The following PCDHGA6 variants were observed in gnomAD, a reference collection of about 807,000 sequenced individuals.
PCDHGA6 encodes the protein protocadherin gamma subfamily A, 6.
Under a neutral mutation model 60.6 loss-of-function variants are expected in PCDHGA6, and 41 were observed. That is an observed-to-expected ratio of 0.68 (90% CI 0.53 to 0.88). PCDHGA6 has a LOEUF of 0.88. PCDHGA6 is among the 40% of genes least tolerant of loss of function. PCDHGA6 has a pLI of 0.00. For missense variants in PCDHGA6, 1,312 were observed against 1,203.0 expected (o/e 1.09, Z -1.34); for synonymous variants, 594 against 524.4 (o/e 1.13, Z -1.81).
Position 141,374,384 on chromosome 5 carries a change from C to A in PCDHGA6, c.301C>A (p.Arg101=). 6.2e-7 allele frequency: 1 copy of A among 1,613,962 alleles called. No homozygotes were observed. Among genetic ancestry groups the A allele is most frequent in the East Asian group, 2.2e-5 (1 of 44,874 alleles). ...CGAGGAGCTCTGTGCTCAGAGCCCG[C>A]GGTGTCTGGTGAGTTTTAACATCCT... ...DREELCAQSP[R]CLVSFNILVE... is the part of the protein sequence containing the mutation. Residue 101 remains arginine (R), a synonymous_variant, in exon 1 of 4, where the codon CGG becomes AGG. Transcript: ENST00000517434.
At chr5:141,423,001 G>A in intron 1 of PCDHGA6, 2 of 1,614,230 alleles carry the variant, frequency 1.2e-6, no homozygotes, top group Non-Finnish European at 1.7e-6. Flanking sequence ...GGTGACCAAG[G>A]TGGTTGCGGT....
chr5:141,465,865 G>A (rs374058078), intron 1 of PCDHGA6, among the ~76,000 whole-genome samples: 7 of 151,900 alleles, frequency 4.6e-5, no homozygotes, highest in African/African-American at 1.7e-4. Flanking sequence ...GCTCATGCCT[G>A]TAATCCCAGC....
rs558951022 is a variant in PCDHGA6 at position 141,501,554 on chromosome 5, C to T, written c.2484-3839C>T. On this transcript the variant is annotated intron_variant, in intron 2 of 3. Coordinates refer to ENST00000517434, the MANE Select transcript of PCDHGA6 (RefSeq NM_018919.3). ...CGTTGTTGTGCATAAGATCATAGGC[C>T]CTGGAATCATATTAGGCTGGCTTTC... is the stretch of plus-strand genomic sequence containing the variant. Among the ~76,000 whole-genome samples the T allele has an allele frequency of 3.3e-5, 5 of 152,044 alleles. No homozygotes were observed. In the East Asian group the frequency reaches 7.8e-4, roughly 24 times the overall value.
At chr5:141,456,148 C>G (rs1408257938) in intron 1 of PCDHGA6, among the ~76,000 whole-genome samples, 1 of 152,080 alleles carries the variant, frequency 6.6e-6, no homozygotes, top group African/African-American at 2.4e-5. Flanking sequence ...CCGCCCGCCT[C>G]GGCCTCCTAA....
chr5:141,418,883 G>A (rs376245268), intron 1 of PCDHGA6: 5 of 1,613,960 alleles, frequency 3.1e-6, no homozygotes, highest in East Asian at 2.2e-5. Flanking sequence ...AGACGAAAAC[G>A]ACAACAGCCC....
At chr5:141,378,443 A>C (rs1022226439) in intron 1 of PCDHGA6, 2 of 152,300 alleles carry the variant, frequency 1.3e-5, no homozygotes, top group Non-Finnish European at 2.9e-5. Context: ...GAATCGCTTG[A>C]ACCCATGAGG....
At chr5:141,414,692 C>T (rs2095777962) in intron 1 of PCDHGA6, 1 of 1,613,918 alleles carries the variant, frequency 6.2e-7, no homozygotes, top group African/African-American at 1.3e-5. Flanking sequence ...GTACCTCTGT[C>T]CTCATACATA....
At position 141,392,919 on chromosome 5, in the gene PCDHGA6, C is replaced by T. The variant is rs1220575114; in HGVS notation, c.2424+16412C>T. On this transcript the variant is annotated intron_variant, in intron 1 of 3. Coordinates refer to ENST00000517434, the MANE Select transcript of PCDHGA6 (RefSeq NM_018919.3). The stretch of plus-strand genomic sequence containing the variant: ...GAGGGGACAGATTCGCTACTCTGTG[C>T]CAGAAGAGACGGACAAAGGCTCCTT... 5.0e-6 allele frequency: 8 copies of T among 1,613,762 alleles called. No individual in the cohort carries two copies. The African/African-American group carries it at 1.1e-4, about 22-fold the overall frequency.
In PCDHGA6 at chr5:141,375,958, G is replaced by A. The variant is rs1002329693; in HGVS notation, c.1875G>A (p.Glu625=). ...TCTCAGTGGGCCTGCACACGGGCGA[G>A]GTGCGCACGGCGCGCGCCCTGCTGG... ...GLFSVGLHTG[E]VRTARALLDR... Residue 625 remains glutamate, a synonymous_variant, in exon 1 of 4, where the codon GAG becomes GAA. Coordinates refer to ENST00000517434, the MANE Select transcript of PCDHGA6 (RefSeq NM_018919.3). The A allele has an allele frequency of 7.4e-6, 12 of 1,613,460 alleles. No individual in the cohort carries two copies. The highest frequency in any genetic ancestry group is 1.0e-5 in the Non-Finnish European group (12 of 1,179,910).
At chr5:141,427,780 T>C (rs2097069858) in intron 1 of PCDHGA6, 1 of 1,456,004 alleles carries the variant, frequency 6.9e-7, no homozygotes. Flanking sequence ...CTGCGGGCAC[T>C]GTCGTCCTAC....
chr5:141,475,139 C>T (rs928313061), intron 1 of PCDHGA6, among the ~76,000 whole-genome samples: 2 of 151,928 alleles, frequency 1.3e-5, no homozygotes, highest in African/African-American at 4.8e-5. Flanking sequence ...TTTTTGAAAT[C>T]TTCTCCGTCT....
At chr5:141,396,410 G>C (rs2093377441) in intron 1 of PCDHGA6, 1 of 152,250 alleles carries the variant, frequency 6.6e-6, no homozygotes, top group Non-Finnish European at 1.5e-5. Context: ...CCTGAGGTCA[G>C]GAGTTCAAGA....
chr5:141,383,951 C>G lies in PCDHGA6; in HGVS notation c.2424+7444C>G, dbSNP rs1365918560. 5 of 1,613,676 alleles carry G rather than the reference C, an allele frequency of 3.1e-6. No homozygotes were observed. In the African/African-American group the frequency reaches 6.7e-5, roughly 22 times the overall value. On this transcript the variant is annotated intron_variant, in intron 1 of 3. Transcript: ENST00000517434. ...AATGCTCCAGAAGTGACTATGACGT[C>G]TTTAAGTAGCTCAATCCCTGAAGAC...
intron 1 of PCDHGA6, among the ~76,000 whole-genome samples, chr5:141,381,049 T>C (rs1384350654): frequency 2.0e-5 from 3 of 152,252 alleles, no homozygotes; most frequent in Admixed American, 2.0e-4. Context: ...TTATCTACTT[T>C]GTGAATGCAA....
intron 1 of PCDHGA6, chr5:141,420,307 A>G (rs2096487660): frequency 1.5e-5 from 22 of 1,459,622 alleles, no homozygotes; most frequent in Non-Finnish European, 1.8e-5. Flanking sequence ...AATCCTTTTT[A>G]TATTACAATA....
In PCDHGA6 at chr5:141,375,599, T is replaced by A. The variant is rs1352335566; in HGVS notation, c.1516T>A (p.Ser506Thr). 6.2e-7 allele frequency: 1 copy of A among 1,614,126 alleles called. No individual in the cohort carries two copies. Among genetic ancestry groups the A allele is most frequent in the East Asian group, 2.2e-5 (1 of 44,866 alleles). Residue 506 changes from serine to threonine, a missense_variant, in exon 1 of 4, where the codon TCC becomes ACC. Transcript: ENST00000517434. ...GGGGGCGCCCCTGTCCTCCTACGTG[T>A]CCATCAACTCCGACACTGGGATTCT... ...LQGAPLSSYV[S>T]INSDTGILYA...
chr5:141,387,276 GAAAGAAAGATA>G (rs2090886505), intron 1 of PCDHGA6, among the ~76,000 whole-genome samples: 1 of 152,142 alleles, frequency 6.6e-6, no homozygotes, highest in Non-Finnish European at 1.5e-5. Context: ...TAGGAACAAT[GAAAGAAAGATA>G]AAATGTATCC....
Position 141,374,429 on chromosome 5 carries a change from C to A in PCDHGA6, c.346C>A (p.Leu116Ile). The A allele has an allele frequency of 6.2e-7, 1 of 1,613,972 alleles. No individual in the cohort carries two copies. ...CATCCTTGTCGAGGATAAACTGAAT[C>A]TTTATCCCGTGGAAGTGGAAATAGT... ...FNILVEDKLN[L>I]YPVEVEIVDI... The change falls in exon 1 of 4, where the codon CTT becomes ATT. Residue 116 changes from leucine to isoleucine, a missense_variant. By Grantham distance (5) the Leu-to-Ile change is conservative. Transcript: ENST00000517434.
chr5:141,383,023 G>A (rs1778720923), intron 1 of PCDHGA6: 2 of 1,613,826 alleles, frequency 1.2e-6, no homozygotes, highest in South Asian at 1.1e-5. Context: ...GACGGACAAA[G>A]GGTCCTTTGT....
Sources: allele counts gnomAD v4.1 joint callset (sites outside exome capture counted in the v4.1 genomes callset), GRCh38; gene constraint gnomAD v4.1.1; transcripts MANE v1.5; gene names NCBI Gene and HGNC (gene_info 2026-07-23, HGNC 2026-07-21).